ITIH6: variants seen among roughly 807,000 people sequenced by gnomAD.
The protein encoded by ITIH6 is inter-alpha-trypsin inhibitor heavy chain H6.
ITIH6 carries 60 observed loss-of-function variants against 58.2 expected under a neutral mutation model. That is an observed-to-expected ratio of 1.03 (90% confidence interval 0.84 to 1.28). ITIH6 has a LOEUF of 1.28. Ranked by LOEUF, ITIH6 falls within the 50% of genes most tolerant of loss-of-function variation. The pLI is 0.00. For missense variants in ITIH6, 1,290 were observed against 1,021.1 expected (o/e 1.26, Z -3.59); for synonymous variants, 493 against 417.4 (o/e 1.18, Z -2.21).
At chrX:54,789,268 C>T (rs1019408750) in intron 4 of ITIH6, among the ~76,000 whole-genome samples, 1 of 111,731 alleles carries the variant, frequency 9.0e-6, no homozygotes. Context: ...CTGAGCTGGC[C>T]ACAAGATCAA....
At chrX:54,760,867 T>C (rs1928625727) in intron 6 of ITIH6, among the ~76,000 whole-genome samples, 1 of 111,944 alleles carries the variant, frequency 8.9e-6, no homozygotes, top group Non-Finnish European at 1.9e-5. Flanking sequence ...TTCCAAGTCT[T>C]TGCTATTGTG....
At chrX:54,776,567 A>G (rs1307795287) in intron 5 of ITIH6, among the ~76,000 whole-genome samples, 1 of 110,138 alleles carries the variant, frequency 9.1e-6, no homozygotes, top group African/African-American at 3.3e-5. Context: ...GAGAGGGAAG[A>G]GTGGAAAAGA....
In ITIH6 at chrX:54,757,103, T is replaced by G. The variant is rs1255717484; in HGVS notation, c.2971A>C (p.Ser991Arg). 3.3e-6 allele frequency: 4 copies of G among 1,209,794 alleles called. No homozygotes were observed. Among genetic ancestry groups the G allele is most frequent in the Admixed American group, 2.2e-5 (1 of 45,785 alleles). The change falls in exon 8 of 13, where the codon AGC becomes CGC. Residue 991 changes from serine (S) to arginine (R), a missense_variant. By Grantham distance (110) the Ser-to-Arg change is moderately radical. Coordinates refer to ENST00000218436, the MANE Select transcript of ITIH6 (RefSeq NM_198510.3). ...AGACTGATGGCCTCAGGGAGGATGC[T>G]AGAAGGCAGCAAGATTGGCAGGTTT... Reference protein sequence around the residue: ...PPNLPILLPSSILPEAISLLL... With the variant: ...PPNLPILLPSRILPEAISLLL...
chrX:54,771,531 C>A (rs902292224), intron 6 of ITIH6, among the ~76,000 whole-genome samples: 2 of 111,609 alleles, frequency 1.8e-5, no homozygotes, highest in Non-Finnish European at 3.8e-5. Context: ...CCAGCATTTC[C>A]TTTTTATTTT....
intron 6 of ITIH6, among the ~76,000 whole-genome samples, chrX:54,771,966 A>T (rs1365920656): frequency 8.9e-6 from 1 of 111,897 alleles, no homozygotes; most frequent in Non-Finnish European, 1.9e-5. Flanking sequence ...AAAAACAGAA[A>T]TACCGTTTGA....
At chrX:54,784,514 A>G (rs1318084056) in intron 5 of ITIH6, among the ~76,000 whole-genome samples, 1 of 112,185 alleles carries the variant, frequency 8.9e-6, no homozygotes, top group African/African-American at 3.2e-5. Flanking sequence ...TAAAAATCCA[A>G]TCAAAAAAGG....
chrX:54,751,475 G>A lies in ITIH6; in HGVS notation c.3353-95C>T, dbSNP rs1928360580. 11 of 1,015,493 alleles carry A rather than the reference G, an allele frequency of 1.1e-5. No homozygotes were observed. In the Admixed American group the frequency reaches 2.4e-4, roughly 22 times the overall value. 83.7% of individuals were successfully genotyped at this position (1,015,493 alleles called of 1,213,427 possible). On this transcript the variant is annotated intron_variant, in intron 11 of 12. Coordinates refer to ENST00000218436, the MANE Select transcript of ITIH6 (RefSeq NM_198510.3). ...TGGGCAGATGAAGTAGTGCAGATTTGTGGCTAGAGGGCCGACTCCTGAGAG... is the reference window on the plus strand; with the variant it reads ...TGGGCAGATGAAGTAGTGCAGATTTATGGCTAGAGGGCCGACTCCTGAGAG...
intron 8 of ITIH6, among the ~76,000 whole-genome samples, chrX:54,756,303 G>C (rs1295120377): frequency 1.8e-5 from 2 of 111,422 alleles, no homozygotes; most frequent in African/African-American, 6.5e-5. Flanking sequence ...TGACCAGATT[G>C]TATGAGTTCA....
At chrX:54,754,397 T>C (rs1256060795) in intron 9 of ITIH6, among the ~76,000 whole-genome samples, 1 of 112,188 alleles carries the variant, frequency 8.9e-6, no homozygotes, top group Non-Finnish European at 1.9e-5. Context: ...AAATAGGTTA[T>C]TTCATGTGAC....
chrX:54,759,003 T>G lies in ITIH6; in HGVS notation c.1076-5A>C. On this transcript the variant is annotated splice_region_variant and splice_polypyrimidine_tract_variant and intron_variant, in intron 7 of 12. Transcript: ENST00000218436. ...GAGCTGAGTTGACGTCTGTCCCTAATTGGGGAATAGATTGTGAGACCATCT... is the reference window on the plus strand; with the variant it reads ...GAGCTGAGTTGACGTCTGTCCCTAAGTGGGGAATAGATTGTGAGACCATCT... The G allele has an allele frequency of 1.8e-6, 2 of 1,130,130 alleles. No homozygotes were observed. Among genetic ancestry groups the G allele is most frequent in the Admixed American group, 5.4e-5 (2 of 36,745 alleles). 93.1% of individuals were successfully genotyped at this position (1,130,130 alleles called of 1,213,427 possible).
chrX:54,754,029 G>A, intron 9 of ITIH6, 64 bp from the exon 10 acceptor site: 2 of 1,101,269 alleles, frequency 1.8e-6, no homozygotes, highest in East Asian at 6.0e-5. Flanking sequence ...GGAATTCTGG[G>A]ACATACTCCC....
chrX:54,757,022 A>T lies in ITIH6; in HGVS notation c.3052T>A (p.Phe1018Ile). The change falls in exon 8 of 13, where the codon TTC becomes ATC. Residue 1018 changes from phenylalanine (F) to isoleucine (I), a missense_variant. Transcript: ENST00000218436. ...GCTGGTGGGTTCAAGGACTCCACGA[A>T]CTTGGATTCCACCATTGATTCAGAC... ...LLSESMVESK[F>I]VESLNPPAFY... The T allele has an allele frequency of 1.7e-6, 2 of 1,210,045 alleles. No individual in the cohort carries two copies. Among genetic ancestry groups the T allele is most frequent in the Non-Finnish European group, 2.2e-6 (2 of 894,665 alleles).
At chrX:54,770,770 T>C (rs1304854196) in intron 6 of ITIH6, among the ~76,000 whole-genome samples, 1 of 112,556 alleles carries the variant, frequency 8.9e-6, no homozygotes, top group African/African-American at 3.2e-5. Flanking sequence ...TATTTTATTT[T>C]ACCTTCATTT....
In ITIH6 at chrX:54,757,275, G is replaced by A. The variant is rs2147601419; in HGVS notation, c.2799C>T (p.Pro933=). ...GCCAGAACCTTCCAGGGGGCAGAGT[G>A]GGAGTAAAGGGCATGGGGAGGGGTT... is the stretch of plus-strand genomic sequence containing the variant. ...LGEPLPMPFT[P]TLPPGRFWHQ... is the part of the protein sequence containing the mutation. The change falls in exon 8 of 13, where the codon CCC becomes CCT. Residue 933 remains proline (P), a synonymous_variant. Coordinates refer to ENST00000218436, the MANE Select transcript of ITIH6 (RefSeq NM_198510.3). 1 of 1,191,661 alleles carries A rather than the reference G, an allele frequency of 8.4e-7. No individual in the cohort carries two copies. The highest frequency in any genetic ancestry group is 1.9e-5 in the South Asian group (1 of 53,282).
chrX:54,796,021 C>T (rs762051165), intron 2 of ITIH6, among the ~76,000 whole-genome samples: 1 of 111,519 alleles, frequency 9.0e-6, no homozygotes, highest in Non-Finnish European at 1.9e-5. Context: ...TGCACCACCA[C>T]ACCCTGCTAA....
At position 54,758,252 on chromosome X, in the gene ITIH6, G is replaced by A. The variant is rs779503515; in HGVS notation, c.1822C>T (p.Leu608=). 138 of 1,209,533 alleles carry A rather than the reference G, an allele frequency of 1.1e-4. No homozygotes were observed. Among genetic ancestry groups the A allele is most frequent in the Non-Finnish European group, 1.5e-4 (132 of 894,806 alleles). ...GCCTGTTTGGGTTGCACCATGACCA[G>A]TGAAGTCAGAGGTGTGACAAAGTTG... ...EYNFVTPLTS[L]VMVQPKQASE... is the part of the protein sequence containing the mutation. The change falls in exon 8 of 13, where the codon CTG becomes TTG. Residue 608 remains leucine, a synonymous_variant. Transcript: ENST00000218436.
chrX:54,766,860 T>C (rs1246961752), intron 6 of ITIH6, among the ~76,000 whole-genome samples: 43 of 104,943 alleles, frequency 4.1e-4, no homozygotes, highest in African/African-American at 1.5e-3. Context: ...CTTTTTTGGT[T>C]GTGTCTCTGC....
At chrX:54,765,833 C>T (rs1280792534) in intron 6 of ITIH6, among the ~76,000 whole-genome samples, 2 of 109,612 alleles carry the variant, frequency 1.8e-5, no homozygotes. Context: ...TGTGATGCCT[C>T]CAGCTTTGTT....
chrX:54,780,367 A>G (rs1249771716), intron 5 of ITIH6, among the ~76,000 whole-genome samples: 1 of 112,275 alleles, frequency 8.9e-6, no homozygotes, highest in Non-Finnish European at 1.9e-5. Flanking sequence ...AACAAAAGGA[A>G]CTTTGGAAGA....
Sources: allele counts gnomAD v4.1 joint callset (sites outside exome capture counted in the v4.1 genomes callset), GRCh38; gene constraint gnomAD v4.1.1; transcripts MANE v1.5; gene names NCBI Gene and HGNC (gene_info 2026-07-23, HGNC 2026-07-21).